DNAH6: variants seen among roughly 807,000 people sequenced by gnomAD.
DNAH6 encodes dynein axonemal heavy chain 6, also known as axonemal beta dynein heavy chain 6.
Under a neutral mutation model 491.4 loss-of-function variants are expected in DNAH6, and 340 were observed. The observed-to-expected ratio is 0.69, with a 90% CI of 0.63 to 0.76. The LOEUF is 0.76. Among genes scored for constraint, DNAH6 ranks in the 30% least tolerant of loss-of-function variants. The probability of loss-of-function intolerance (pLI) is 0.00; values close to 1 mark genes in which losing one functional copy is unlikely to be tolerated. For missense variants in DNAH6, 4,443 were observed against 4,972.2 expected, an observed-to-expected ratio of 0.89 and a Z score of 3.20; for synonymous variants, 1,603 against 1,686.1, an observed-to-expected ratio of 0.95 and a Z score of 1.21.
intron 3 of DNAH6, among the ~76,000 whole-genome samples, chr2:84,527,484 T>C (rs1338366863): frequency 6.6e-6 from 1 of 152,120 alleles, no homozygotes; most frequent in Non-Finnish European, 1.5e-5. Flanking sequence ...TTTTAAAGAC[T>C]AGAACAAATA....
chr2:84,661,034 A>C (rs1691451969), intron 37 of DNAH6, among the ~76,000 whole-genome samples: 2 of 152,164 alleles, frequency 1.3e-5, no homozygotes, highest in African/African-American at 4.8e-5. Context: ...ATAATATGTC[A>C]GTATTCAATA....
At chr2:84,568,348 A>ATATACACCGTG (rs1485196189) in intron 11 of DNAH6, among the ~76,000 whole-genome samples, 3 of 152,236 alleles carry the variant, frequency 2.0e-5, no homozygotes, top group African/African-American at 7.2e-5. Context: ...GACTGGATAA[A>ATATACACCGTG]GAAAATGTGA....
At chr2:84,777,720 C>G in intron 64 of DNAH6, 1 of 831,018 alleles carries the variant, frequency 1.2e-6, no homozygotes, top group Non-Finnish European at 2.2e-6. Flanking sequence ...ACTCCCAGCC[C>G]TTCCCCCATC....
In DNAH6 at chr2:84,573,542, G is replaced by A; in HGVS notation, c.1879G>A (p.Glu627Lys). 1 of 1,590,268 alleles carries A rather than the reference G, an allele frequency of 6.3e-7. No homozygotes were observed. Among genetic ancestry groups the A allele is most frequent in the Non-Finnish European group, 8.5e-7 (1 of 1,173,332 alleles). ...TFEKFQIFFK[E>K]NESLDLQALK... ...TGAAAAGTTCCAGATATTCTTCAAGGAAAATGAAAGTCTTGATTTACAAGC... is the reference window on the plus strand; with the variant it reads ...TGAAAAGTTCCAGATATTCTTCAAGAAAAATGAAAGTCTTGATTTACAAGC... Residue 627 changes from glutamate to lysine, a missense_variant, in exon 12 of 77, where the codon GAA (glutamate) becomes AAA (lysine). Glu to Lys is a moderately conservative substitution (Grantham distance 56). Around this residue, in one of 3 missense-constraint regions of DNAH6, gnomAD observed 2,977 missense variants for 3,296.6 expected, o/e 0.90. Coordinates refer to ENST00000389394, the MANE Select transcript of DNAH6 (RefSeq NM_001370.2).
rs202017484 is a variant in DNAH6 at position 84,813,079 on chromosome 2, C to A, written c.11947C>A (p.Pro3983Thr). 1.9e-6 allele frequency: 3 copies of A among 1,551,634 alleles called. No individual in the cohort carries two copies. The highest frequency in any genetic ancestry group is 2.6e-6 in the Non-Finnish European group (3 of 1,146,786). The change falls in exon 74 of 77, where the codon CCT becomes ACT. Residue 3983 changes from proline (P) to threonine (T), a missense_variant. By Grantham distance (38) the Pro-to-Thr change is conservative (BLOSUM62 -1). Coordinates refer to ENST00000389394, the MANE Select transcript of DNAH6 (RefSeq NM_001370.2). ...TCAGCTGTGGCTCAAAAGAGGACAGCCTAAGTCCTACTGGATCTCTGGTTT... is the reference window on the plus strand; with the variant it reads ...TCAGCTGTGGCTCAAAAGAGGACAGACTAAGTCCTACTGGATCTCTGGTTT... ...FVDLWLKRGQ[P>T]KSYWISGFFF...
At chr2:84,605,129 C>T (rs999628698) in intron 19 of DNAH6, among the ~76,000 whole-genome samples, 16 of 151,546 alleles carry the variant, frequency 1.1e-4, no homozygotes, top group Non-Finnish European at 2.1e-4. Context: ...AGACAGATCA[C>T]GAGGTCAGGA....
chr2:84,653,970 T>C, intron 34 of DNAH6, 96 bp downstream of exon 34: 1 of 963,724 alleles, frequency 1.0e-6, no homozygotes, highest in Non-Finnish European at 1.5e-6. Flanking sequence ...TTACTATCTA[T>C]AATGTCTATT....
chr2:84,483,257 C>T, the DNAH6 span, among the ~76,000 whole-genome samples: 1 of 152,062 alleles, frequency 6.6e-6, no homozygotes, highest in East Asian at 1.9e-4. Context: ...AACCACTGCA[C>T]CTGGCCAATA....
At chr2:84,798,988 CTT>C (rs34678148) in intron 70 of DNAH6, among the ~76,000 whole-genome samples, 34 of 136,598 alleles carry the variant, frequency 2.5e-4, no homozygotes, top group African/African-American at 2.7e-4. Flanking sequence ...TTTTTCTTTC[CTT>C]TTTTTTTTTT....
At chr2:84,699,816 C>T in intron 48 of DNAH6, 82 bp downstream of exon 48, 8 of 1,363,104 alleles carry the variant, frequency 5.9e-6, no homozygotes, top group Non-Finnish European at 7.9e-6. Context: ...AAGAGTAACT[C>T]ATGGGTACTT....
At chr2:84,510,051 T>C in the DNAH6 span, among the ~76,000 whole-genome samples, 1 of 152,230 alleles carries the variant, frequency 6.6e-6, no homozygotes, top group East Asian at 1.9e-4. Flanking sequence ...CAATTATATG[T>C]CTTGGAGTTG....
At chr2:84,793,657 C>T (rs559524028) in intron 68 of DNAH6, among the ~76,000 whole-genome samples, 92 of 152,250 alleles carry the variant, frequency 6.0e-4, no homozygotes, top group African/African-American at 2.1e-3. Flanking sequence ...CTAAAGAATA[C>T]TCCTAGGAAG....
chr2:84,600,964 AACACTATATTATTATTAT>A (rs1685149138), intron 18 of DNAH6, among the ~76,000 whole-genome samples: 1 of 142,450 alleles, frequency 7.0e-6, no homozygotes, highest in African/African-American at 2.8e-5. Context: ...AAGGAATAAT[AACACTATATTATTATTAT>A]AGTATAATAA....
At chr2:84,517,756 G>A in intron 1 of DNAH6, 63 bp from the exon 2 acceptor site, 1 of 1,288,254 alleles carries the variant, frequency 7.8e-7, no homozygotes, top group Non-Finnish European at 1.1e-6. Flanking sequence ...CTCTCCAGTA[G>A]CCTCCTTCCC....
At chr2:84,785,477 G>T (rs1006810998) in intron 66 of DNAH6, 133 bp from the exon 67 acceptor site, 3 of 888,294 alleles carry the variant, frequency 3.4e-6, no homozygotes, top group East Asian at 6.0e-5. Context: ...AACATGCCAG[G>T]AATGGTCCCC....
intron 9 of DNAH6, among the ~76,000 whole-genome samples, chr2:84,551,523 A>G (rs1679365089): frequency 6.6e-6 from 1 of 152,240 alleles, no homozygotes; most frequent in Admixed American, 6.5e-5. Context: ...AAAGAAATGT[A>G]TAATTCTTGT....
chr2:84,517,177 A>G (rs895871636), intron 1 of DNAH6, among the ~76,000 whole-genome samples: 2 of 152,120 alleles, frequency 1.3e-5, no homozygotes, highest in African/African-American at 2.4e-5. Flanking sequence ...ATCTCCACTC[A>G]TCTAATGGGG....
At chr2:84,660,292 C>T (rs1485522807) in intron 37 of DNAH6, among the ~76,000 whole-genome samples, 1 of 152,062 alleles carries the variant, frequency 6.6e-6, no homozygotes, top group Non-Finnish European at 1.5e-5. Flanking sequence ...GAGACTTCCA[C>T]TGGTCAAAAA....
chr2:84,748,791 A>G (rs1305002116), intron 63 of DNAH6, among the ~76,000 whole-genome samples: 1 of 152,180 alleles, frequency 6.6e-6, no homozygotes, highest in Admixed American at 6.5e-5. Flanking sequence ...TTGCATTGCT[A>G]TTTAGAAATA....
Sources: gnomAD v4.1 joint callset for allele counts (sites outside exome capture counted in the v4.1 genomes callset) on GRCh38, gnomAD v4.1.1 for gene constraint, gnomAD v4.1.1 regional missense constraint, MANE v1.5 for transcripts, NCBI Gene and HGNC (gene_info 2026-07-23, HGNC 2026-07-21) for gene names.